DPYD: variants seen among roughly 807,000 people sequenced by gnomAD.
DPYD encodes dihydropyrimidine dehydrogenase.
A neutral mutation model predicts 116.2 loss-of-function variants in DPYD; 109 were observed. The observed-to-expected ratio is 0.94, with a 90% CI of 0.80 to 1.10. The LOEUF is 1.10. Ranked by LOEUF, DPYD falls within the 50% of genes least tolerant of loss-of-function variation. The pLI is 0.00. For synonymous variants in DPYD, 440 were observed against 432.0 expected, an observed-to-expected ratio of 1.02 and a Z score of -0.23; for missense variants, 1,302 against 1,254.5, an observed-to-expected ratio of 1.04 and a Z score of -0.57.
At chr1:97,453,304 T>C (rs1676517446) in intron 13 of DPYD, among the ~76,000 whole-genome samples, 1 of 152,248 alleles carries the variant, frequency 6.6e-6, no homozygotes, top group African/African-American at 2.4e-5. Context: ...TTTTGGTTCA[T>C]GTGGATGTGT....
At chr1:97,565,775 A>G (rs1652475323) in intron 11 of DPYD, among the ~76,000 whole-genome samples, 1 of 152,154 alleles carries the variant, frequency 6.6e-6, no homozygotes, top group African/African-American at 2.4e-5. Flanking sequence ...GTGCCTGAGT[A>G]GTGCCTGGAA....
chr1:97,094,468 A>G (rs1557859047), intron 21 of DPYD, among the ~76,000 whole-genome samples: 1 of 152,270 alleles, frequency 6.6e-6, no homozygotes, highest in East Asian at 1.9e-4. Flanking sequence ...GATGTAAGAG[A>G]TAAGAACAAT....
At chr1:97,223,848 T>C (rs183480853) in intron 19 of DPYD, among the ~76,000 whole-genome samples, 22 of 152,180 alleles carry the variant, frequency 1.4e-4, no homozygotes, top group African/African-American at 5.1e-4. Context: ...CCCTTCAAAC[T>C]GTTTTGAAGG....
chr1:97,420,623 C>A (rs1327945634), intron 14 of DPYD, among the ~76,000 whole-genome samples: 1 of 152,116 alleles, frequency 6.6e-6, no homozygotes, highest in Non-Finnish European at 1.5e-5. Context: ...CCTTTCGTAA[C>A]TGGGCTCCTG....
At chr1:97,519,528 C>T (rs1648485783) in intron 12 of DPYD, among the ~76,000 whole-genome samples, 1 of 152,100 alleles carries the variant, frequency 6.6e-6, no homozygotes, top group African/African-American at 2.4e-5. Context: ...AAGTGAAGCT[C>T]AAAGTAAAGA....
intron 3 of DPYD, among the ~76,000 whole-genome samples, chr1:97,746,513 T>C (rs1445781948): frequency 6.6e-6 from 1 of 152,084 alleles, no homozygotes; most frequent in Non-Finnish European, 1.5e-5. Flanking sequence ...ACACGAAAAA[T>C]ATACTTATGA....
At position 97,196,883 on chromosome 1, in the gene DPYD, A is replaced by T. The variant is rs149337356; in HGVS notation, c.2443-3635T>A. On this transcript the variant is annotated intron_variant, in intron 19 of 22. Coordinates refer to ENST00000370192, the MANE Select transcript of DPYD (RefSeq NM_000110.4). Reference sequence around the variant, plus strand: ...TGGACCAAATGCATACGTTTTTAAAAATTTAATCAAGTTATCTTCAACTGA... The same window carrying T: ...TGGACCAAATGCATACGTTTTTAAATATTTAATCAAGTTATCTTCAACTGA... Among the ~76,000 whole-genome samples, 330 of 152,338 alleles carry T rather than the reference A, an allele frequency of 2.2e-3. 2 individuals are homozygous for T. Among genetic ancestry groups the T allele is most frequent in the South Asian group, 0.011 (51 of 4,832 alleles).
At chr1:97,192,897 G>A (rs548510406) in intron 20 of DPYD, among the ~76,000 whole-genome samples, 172 bp downstream of exon 20, 71 of 152,266 alleles carry the variant, frequency 4.7e-4, no homozygotes, top group African/African-American at 1.4e-3. Context: ...GTAACTCACA[G>A]ACCCATCATA....
chr1:97,413,344 A>G (rs1032816273), intron 14 of DPYD, among the ~76,000 whole-genome samples: 1 of 152,224 alleles, frequency 6.6e-6, no homozygotes. Context: ...ACTATTCACT[A>G]CATTATAGCA....
At chr1:97,712,794 T>C (rs1007803639) in intron 5 of DPYD, among the ~76,000 whole-genome samples, 1 of 152,088 alleles carries the variant, frequency 6.6e-6, no homozygotes, top group African/African-American at 2.4e-5. Context: ...ATGCCCACAA[T>C]ACCTGCTGTA....
At chr1:97,364,554 A>G (rs567176684) in intron 16 of DPYD, among the ~76,000 whole-genome samples, 1 of 152,318 alleles carries the variant, frequency 6.6e-6, no homozygotes, top group East Asian at 1.9e-4. Context: ...TGGAGAGTAC[A>G]TATATTCATT....
chr1:97,822,140 G>A (rs1226842236), intron 3 of DPYD, among the ~76,000 whole-genome samples: 2 of 150,962 alleles, frequency 1.3e-5, no homozygotes, highest in Non-Finnish European at 3.0e-5. Flanking sequence ...CAACCAGCCA[G>A]ATGTAATAGC....
rs1483568852 is a variant in DPYD, at chr1:97,173,322, A to ATG, written c.2622+19746_2622+19747insCA. On this transcript the variant is annotated intron_variant, in intron 20 of 22. Transcript: ENST00000370192. The stretch of plus-strand genomic sequence containing the variant: ...TATGTACATATATATGCACACATAT[A>ATG]TACACATATATGTGTATATATGCAC... Among the ~76,000 whole-genome samples the ATG allele has an allele frequency of 3.2e-4, 40 of 125,934 alleles. No homozygotes were observed. The East Asian group carries it at 6.4e-3, about 20-fold the overall frequency. The allele number at this position is 125,934 out of a possible 152,430, so 82.6% of individuals were successfully genotyped here.
intron 14 of DPYD, among the ~76,000 whole-genome samples, chr1:97,445,377 A>G (rs1039483958): frequency 1.3e-5 from 2 of 152,248 alleles, no homozygotes; most frequent in Non-Finnish European, 2.9e-5. Context: ...TTGCATGTAT[A>G]TAACATGCAT....
chr1:97,368,744 T>C (rs1320298500), intron 16 of DPYD, among the ~76,000 whole-genome samples: 1 of 152,212 alleles, frequency 6.6e-6, no homozygotes. Flanking sequence ...ATCAGAAAGA[T>C]ATATACTGGT....
At chr1:97,102,396 CATATAT>C (rs372249411) in intron 20 of DPYD, among the ~76,000 whole-genome samples, 16 of 97,302 alleles carry the variant, frequency 1.6e-4, no homozygotes, top group African/African-American at 4.2e-4. Context: ...CACTCAGTAT[CATATAT>C]ATATATATAT....
intron 19 of DPYD, among the ~76,000 whole-genome samples, chr1:97,199,761 C>A (rs950126464): frequency 1.3e-5 from 2 of 152,006 alleles, no homozygotes; most frequent in African/African-American, 4.8e-5. Context: ...TCCTTTACAT[C>A]TGAAAAAGGA....
rs1675140036 is a variant in DPYD at position 97,430,863 on chromosome 1, A to T, written c.1905+19196T>A. 3.3e-5 allele frequency among the ~76,000 whole-genome samples: 5 copies of T among 152,226 alleles called. No individual in the cohort carries two copies. In the South Asian group the frequency reaches 1.0e-3, roughly 32 times the overall value. ...ATACTTTTTATATCTATCTATATCA[A>T]TTTGTAAACATTGCCTATATGTGAA... On this transcript the variant is annotated intron_variant, in intron 14 of 22. Coordinates refer to ENST00000370192, the MANE Select transcript of DPYD (RefSeq NM_000110.4).
intron 20 of DPYD, among the ~76,000 whole-genome samples, chr1:97,174,416 T>C (rs1234552029): frequency 2.6e-5 from 4 of 152,200 alleles, no homozygotes; most frequent in Non-Finnish European, 5.9e-5. Context: ...CCCTTCTCTG[T>C]TTCTAAGTCC....
Sources: gnomAD v4.1 joint callset for allele counts (sites outside exome capture counted in the v4.1 genomes callset) on GRCh38, gnomAD v4.1.1 for gene constraint, MANE v1.5 for transcripts, NCBI Gene and HGNC (gene_info 2026-07-23, HGNC 2026-07-21) for gene names.